GUCY1A2: variants seen among roughly 807,000 people sequenced by gnomAD.
The protein encoded by GUCY1A2 is guanylate cyclase 1 soluble subunit alpha 2, also known as guanylate cyclase soluble subunit alpha-2.
GUCY1A2 carries 27 observed loss-of-function variants against 63.5 expected under a neutral mutation model. That is an observed-to-expected ratio of 0.43 (90% confidence interval 0.31 to 0.59). GUCY1A2 has a LOEUF of 0.59. Among genes scored for constraint, GUCY1A2 ranks in the 20% least tolerant of loss-of-function variants. The pLI is 0.11. For synonymous variants in GUCY1A2, 364 were observed against 343.5 expected (o/e 1.06, Z -0.66); for missense variants, 768 against 913.3 (o/e 0.84, Z 2.05).
intron 5 of GUCY1A2, among the ~76,000 whole-genome samples, chr11:106,784,334 G>T (rs952846577): frequency 2.0e-5 from 3 of 152,068 alleles, no homozygotes; most frequent in African/African-American, 7.2e-5. Flanking sequence ...ACTCCTTCCT[G>T]AAAGCAGGAT....
At chr11:106,739,104 T>TCA (rs1157772909) in intron 6 of GUCY1A2, among the ~76,000 whole-genome samples, 1 of 152,190 alleles carries the variant, frequency 6.6e-6, no homozygotes, top group African/African-American at 2.4e-5. Flanking sequence ...AAAAGGTCCT[T>TCA]CACATCCCTT....
chr11:106,949,763 C>CATATA (rs1264422021), intron 3 of GUCY1A2, among the ~76,000 whole-genome samples: 2 of 152,124 alleles, frequency 1.3e-5, no homozygotes, highest in Non-Finnish European at 2.9e-5. Flanking sequence ...CCATTCCAGA[C>CATATA]TGAAGAAACA....
intron 4 of GUCY1A2, among the ~76,000 whole-genome samples, chr11:106,882,936 A>G (rs1273284508): frequency 1.3e-5 from 2 of 152,078 alleles, no homozygotes; most frequent in Non-Finnish European, 2.9e-5. Flanking sequence ...CCCATCATTC[A>G]GATTCTCATC....
chr11:106,722,198 T>C (rs940773711), intron 6 of GUCY1A2, among the ~76,000 whole-genome samples: 1 of 152,138 alleles, frequency 6.6e-6, no homozygotes, highest in African/African-American at 2.4e-5. Flanking sequence ...TTCATCTTTG[T>C]ATTCCTCAAG....
At chr11:106,784,073 C>A (rs778456845) in intron 5 of GUCY1A2, among the ~76,000 whole-genome samples, 5 of 152,094 alleles carry the variant, frequency 3.3e-5, no homozygotes, top group Non-Finnish European at 7.4e-5. Flanking sequence ...CATTTCCTCT[C>A]TTCTCTACAT....
intron 3 of GUCY1A2, among the ~76,000 whole-genome samples, chr11:106,946,157 T>C (rs1372223764): frequency 6.6e-6 from 1 of 151,980 alleles, no homozygotes; most frequent in Admixed American, 6.6e-5. Context: ...CTTAAGGGGA[T>C]TTGGGGGGAT....
chr11:106,684,975 G>GTGAT lies in GUCY1A2; in HGVS notation c.*2570_*2573dup. On this transcript the variant is annotated 3_prime_UTR_variant, in exon 8 of 8. Coordinates refer to ENST00000526355, the MANE Select transcript of GUCY1A2 (RefSeq NM_000855.3). ...ATTTTTTCTCCATCTTCTAACTTCT[G>GTGAT]TGATTGAAGTTTGAATGAACAGACA... 4.9e-6 allele frequency: 1 copy of GTGAT among 204,050 alleles called. No homozygotes were observed. The allele number at this position is 204,050 out of a possible 1,614,324, so 12.6% of individuals were successfully genotyped here.
At chr11:106,799,521 T>C (rs1434028766) in intron 5 of GUCY1A2, among the ~76,000 whole-genome samples, 1 of 152,194 alleles carries the variant, frequency 6.6e-6, no homozygotes, top group Non-Finnish European at 1.5e-5. Flanking sequence ...CAAAACAGCA[T>C]GGTACTGGTA....
In GUCY1A2 at chr11:106,710,758, T is replaced by TGGATAACAAGTGGGAGATGATATCCTTA. The variant is rs1863102881; in HGVS notation, c.1837-2120_1837-2093dup. Among the ~76,000 whole-genome samples, 8 of 152,148 alleles carry TGGATAACAAGTGGGAGATGATATCCTTA rather than the reference T, an allele frequency of 5.3e-5. No homozygotes were observed. The East Asian group carries it at 1.6e-3, about 30-fold the overall frequency. ...GTCTACACCAAATAACTGAAGCGAA[T>TGGATAACAAGTGGGAGATGATATCCTTA]GGATAACAAGTGGGAGATGATATCC... On this transcript the variant is annotated intron_variant, in intron 6 of 7. Coordinates refer to ENST00000526355, the MANE Select transcript of GUCY1A2 (RefSeq NM_000855.3).
chr11:106,735,703 C>T (rs569154017), intron 6 of GUCY1A2, among the ~76,000 whole-genome samples: 23 of 152,222 alleles, frequency 1.5e-4, no homozygotes, highest in African/African-American at 5.5e-4. Flanking sequence ...TTTGGGGAAC[C>T]TCCATACTCT....
rs535396847 is a variant in GUCY1A2, at chr11:106,762,424, T to G, written c.1836+14015A>C. Among the ~76,000 whole-genome samples the G allele has an allele frequency of 2.0e-5, 3 of 152,240 alleles. No homozygotes were observed. The South Asian group carries it at 6.2e-4, about 32-fold the overall frequency. The stretch of plus-strand genomic sequence containing the variant: ...AACATTTAATTCAGTTTATTGAGCA[T>G]GAATGTCTAGAACCATGATACAGCT... On this transcript the variant is annotated intron_variant, in intron 6 of 7. Coordinates refer to ENST00000526355, the MANE Select transcript of GUCY1A2 (RefSeq NM_000855.3).
chr11:106,907,406 AATTTT>A, intron 4 of GUCY1A2, among the ~76,000 whole-genome samples: 1 of 118,476 alleles, frequency 8.4e-6, no homozygotes, highest in Non-Finnish European at 1.8e-5. Flanking sequence ...TCTTTTTTTT[AATTTT>A]ATTATTATTA....
chr11:106,902,185 T>C (rs1183698166), intron 4 of GUCY1A2, among the ~76,000 whole-genome samples: 1 of 152,214 alleles, frequency 6.6e-6, no homozygotes, highest in Admixed American at 6.5e-5. Context: ...ACCATTTACT[T>C]TGTCAAAGAG....
chr11:106,786,770 C>T (rs1864562208), intron 5 of GUCY1A2, among the ~76,000 whole-genome samples: 1 of 152,206 alleles, frequency 6.6e-6, no homozygotes, highest in South Asian at 2.1e-4. Flanking sequence ...GTAATTGACT[C>T]CATGTTCCAA....
chr11:106,776,711 C>G, intron 5 of GUCY1A2, 129 bp from the exon 6 acceptor site: 1 of 812,128 alleles, frequency 1.2e-6, no homozygotes, highest in Non-Finnish European at 2.0e-6. Flanking sequence ...AGCAATTAGA[C>G]TACTGTTTAT....
intron 5 of GUCY1A2, among the ~76,000 whole-genome samples, chr11:106,793,797 CG>C (rs1194633783): frequency 6.6e-6 from 1 of 151,948 alleles, no homozygotes; most frequent in African/African-American, 2.4e-5. Flanking sequence ...AAAGCCACAA[CG>C]AGATATCACC....
In GUCY1A2 at chr11:106,708,557, G is replaced by C; in HGVS notation, c.1946C>G (p.Ser649Trp). 2 of 1,612,662 alleles carry C rather than the reference G, an allele frequency of 1.2e-6. No homozygotes were observed. The highest frequency in any genetic ancestry group is 3.3e-5 in the Admixed American group (2 of 59,872). ...ATTGATGCGCCGAGGGTGACTTCCC[G>C]ACTCGAATTTGCTTGCCAGTGTGAC... is the stretch of plus-strand genomic sequence containing the variant. The part of the protein sequence containing the change: ...NNVTLASKFE[S>W]GSHPRRINVS... Residue 649 changes from serine (S) to tryptophan (W), a missense_variant, in exon 7 of 8, where the codon TCG becomes TGG. Transcript: ENST00000526355.
chr11:106,961,345 G>A (rs550116551), intron 3 of GUCY1A2, among the ~76,000 whole-genome samples: 1 of 152,186 alleles, frequency 6.6e-6, no homozygotes, highest in African/African-American at 2.4e-5. Context: ...CTTATAAATA[G>A]CTTAATAGGT....
chr11:106,861,579 G>C (rs1283092373), intron 4 of GUCY1A2, among the ~76,000 whole-genome samples: 1 of 152,010 alleles, frequency 6.6e-6, no homozygotes, highest in African/African-American at 2.4e-5. Flanking sequence ...GCTATGGTTA[G>C]CAAGTTAAAG....
Sources: allele counts gnomAD v4.1 joint callset (sites outside exome capture counted in the v4.1 genomes callset), GRCh38; gene constraint gnomAD v4.1.1; transcripts MANE v1.5; gene names NCBI Gene and HGNC (gene_info 2026-07-23, HGNC 2026-07-21).